Variants in ZMYM6 observed in about 807,000 individuals in gnomAD.
ZMYM6 encodes zinc finger MYM-type containing 6, also known as zinc finger MYM-type protein 6.
A neutral mutation model predicts 134.0 loss-of-function variants in ZMYM6; 90 were observed. The ratio of observed to expected loss-of-function variants is 0.67; its 90% CI spans 0.57 to 0.80. The LOEUF is 0.80. Among genes scored for constraint, ZMYM6 ranks in the 30% least tolerant of loss-of-function variants. ZMYM6 has a pLI of 0.00. For missense variants in ZMYM6, 1,362 were observed against 1,533.9 expected, an observed-to-expected ratio of 0.89 and a Z score of 1.87; for synonymous variants, 481 against 524.1, an observed-to-expected ratio of 0.92 and a Z score of 1.12.
chr1:34,994,887 G>A (rs914633537), intron 14 of ZMYM6, among the ~76,000 whole-genome samples: 1 of 148,598 alleles, frequency 6.7e-6, no homozygotes, highest in South Asian at 2.1e-4. Flanking sequence ...GGATCATACC[G>A]AAGCCTATAC....
chr1:34,988,735 C>T lies in ZMYM6; in HGVS notation c.2347G>A (p.Ala783Thr), dbSNP rs1640615537. Residue 783 changes from alanine to threonine, a missense_variant, in exon 16 of 16, where the codon GCA becomes ACA. Ala to Thr is a moderately conservative substitution (Grantham distance 58). This residue lies in a region of ZMYM6 where 824 missense variants were observed against 940.9 expected (regional missense o/e 0.88). Transcript: ENST00000357182. ...EILSSENMKP[A>T]NLSHHLKTKH... is the part of the protein sequence containing the mutation. ...GTCTTCAAATGATGAGAAAGATTTG[C>T]TGGCTTCATGTTTTCACTGGATAAG... is the stretch of plus-strand genomic sequence containing the variant. The T allele has an allele frequency of 3.2e-6, 5 of 1,551,362 alleles. No homozygotes were observed. The highest frequency in any genetic ancestry group is 4.4e-6 in the Non-Finnish European group (5 of 1,146,906).
At position 35,008,892 on chromosome 1, in the gene ZMYM6, C is replaced by G. The variant is rs201963462; in HGVS notation, c.1525G>C (p.Glu509Gln). ...CKFLSARDFG[E>Q]RWGNYCKMCS... ...ATCTTACAGTAGTTTCCCCATCGTTCTCCAAAGTCACGGGCAGAGAGGAAT... is the reference window on the plus strand; with the variant it reads ...ATCTTACAGTAGTTTCCCCATCGTTGTCCAAAGTCACGGGCAGAGAGGAAT... The change falls in exon 11 of 16, where the codon GAA (glutamate) becomes CAA (glutamine). Residue 509 changes from glutamate (E) to glutamine (Q), a missense_variant. Glu to Gln is a conservative substitution (Grantham distance 29). Around this residue, in one of 3 missense-constraint regions of ZMYM6, gnomAD observed 824 missense variants for 940.9 expected, o/e 0.88. Coordinates refer to ENST00000357182, the MANE Select transcript of ZMYM6 (RefSeq NM_007167.4). The G allele has an allele frequency of 1.4e-4, 220 of 1,613,140 alleles. No individual in the cohort carries two copies. Among genetic ancestry groups the G allele is most frequent in the Non-Finnish European group, 1.7e-4 (206 of 1,179,752 alleles).
chr1:35,019,229 A>G, intron 4 of ZMYM6, 124 bp downstream of exon 4: 1 of 1,385,650 alleles, frequency 7.2e-7, no homozygotes, highest in Non-Finnish European at 9.8e-7. Flanking sequence ...TTCTTCCATT[A>G]ACTAAAAAGT....
At chr1:34,990,926 G>A (rs1361704805) in intron 15 of ZMYM6, among the ~76,000 whole-genome samples, 1 of 152,152 alleles carries the variant, frequency 6.6e-6, no homozygotes, top group Non-Finnish European at 1.5e-5. Flanking sequence ...GCACAATGGC[G>A]CGATCTCAGC....
At chr1:35,015,812 C>A (rs1270309175) in intron 4 of ZMYM6, among the ~76,000 whole-genome samples, 14 of 149,388 alleles carry the variant, frequency 9.4e-5, no homozygotes, top group Admixed American at 7.3e-4. Context: ...CAGCCCCAAC[C>A]AAGTTTCATC....
Position 34,988,588 on chromosome 1 carries a change from A to C in ZMYM6, c.2494T>G (p.Ser832Ala), listed in dbSNP as rs1012851674. Residue 832 changes from serine (S) to alanine (A), a missense_variant, in exon 16 of 16, where the codon TCT becomes GCT. Ser to Ala is a moderately conservative substitution (Grantham distance 99). Transcript: ENST00000357182. ...GCAGTTTGGAAAGCAATTAAATAAG[A>C]AGCTTTCACAAGTGACTTTTCAACT... Reference protein sequence around the residue: ...LLVEKSLVKASYLIAFQTAAS... With the variant: ...LLVEKSLVKAAYLIAFQTAAS... The C allele has an allele frequency of 3.9e-6, 6 of 1,550,896 alleles. No homozygotes were observed. The highest frequency in any genetic ancestry group is 2.4e-5 in the South Asian group (2 of 83,832).
rs778603619 is a variant in ZMYM6 at position 35,008,810 on chromosome 1, T to C, written c.1607A>G (p.Lys536Arg). Reference sequence around the variant, plus strand: ...ATCTTCACAACAAAACTCTTCTAACTTGCCCTCCAATCGATTTTCTACCAA... The same window carrying C: ...ATCTTCACAACAAAACTCTTCTAACCTGCCCTCCAATCGATTTTCTACCAA... The part of the protein sequence containing the change: ...PNLVENRLEG[K>R]LEEFCCEDCM... The change falls in exon 11 of 16, where the codon AAG (lysine) becomes AGG (arginine). Residue 536 changes from lysine (K) to arginine (R), a missense_variant. By Grantham distance (26) the Lys-to-Arg change is conservative. Around this residue, in one of 3 missense-constraint regions of ZMYM6, gnomAD observed 824 missense variants for 940.9 expected, o/e 0.88. Coordinates refer to ENST00000357182, the MANE Select transcript of ZMYM6 (RefSeq NM_007167.4). 1 of 1,614,136 alleles carries C rather than the reference T, an allele frequency of 6.2e-7. No individual in the cohort carries two copies. The highest frequency in any genetic ancestry group is 8.5e-7 in the Non-Finnish European group (1 of 1,180,010).
chr1:35,012,103 T>C, intron 7 of ZMYM6, 98 bp from the exon 8 acceptor site: 2 of 758,164 alleles, frequency 2.6e-6, no homozygotes, highest in Non-Finnish European at 4.0e-6. Context: ...TAATCAATAA[T>C]ATACCAAAAA....
intron 15 of ZMYM6, among the ~76,000 whole-genome samples, chr1:34,991,791 CAAAA>C (rs796578117): frequency 3.4e-4 from 52 of 150,726 alleles, no homozygotes; most frequent in African/African-American, 1.2e-3. Context: ...AACAAACAAA[CAAAA>C]AAAAACCCAG....
chr1:35,025,888 G>A (rs745880426), intron 2 of ZMYM6, among the ~76,000 whole-genome samples: 14 of 152,126 alleles, frequency 9.2e-5, no homozygotes, highest in Non-Finnish European at 2.1e-4. Flanking sequence ...TTAACTGAGG[G>A]TTGTGAGCAT....
At chr1:35,000,885 T>C (rs1467471786) in intron 14 of ZMYM6, among the ~76,000 whole-genome samples, 2 of 152,052 alleles carry the variant, frequency 1.3e-5, no homozygotes, top group East Asian at 1.9e-4. Flanking sequence ...CTAACAATGG[T>C]TAATTCTGGA....
intron 14 of ZMYM6, among the ~76,000 whole-genome samples, chr1:34,997,396 C>T (rs568500191): frequency 1.6e-4 from 24 of 152,220 alleles, no homozygotes; most frequent in South Asian, 6.2e-4. Context: ...CTCCGCCTCC[C>T]GGGATCAAGC....
chr1:34,999,188 G>C (rs959800437), intron 14 of ZMYM6, among the ~76,000 whole-genome samples: 1 of 152,194 alleles, frequency 6.6e-6, no homozygotes, highest in Admixed American at 6.5e-5. Context: ...ATGATGTCCT[G>C]GAAGTTGAAT....
intron 14 of ZMYM6, among the ~76,000 whole-genome samples, chr1:34,999,154 T>C (rs1286306828): frequency 2.6e-5 from 4 of 152,168 alleles, no homozygotes; most frequent in Middle Eastern, 3.4e-3. Flanking sequence ...CTAAAAGTAA[T>C]GTAGACTGAG....
At chr1:35,013,470 A>C in intron 6 of ZMYM6, 1 of 984,636 alleles carries the variant, frequency 1.0e-6, no homozygotes, top group Non-Finnish European at 1.2e-6. Flanking sequence ...CAAAATTAGA[A>C]ATGGAACTGA....
intron 1 of ZMYM6, 35 bp from the exon 2 acceptor site, chr1:35,030,748 C>T: frequency 8.8e-7 from 1 of 1,141,838 alleles, no homozygotes; most frequent in Non-Finnish European, 1.3e-6. Flanking sequence ...CTTTTTTCTT[C>T]AGGCTTATCT....
chr1:35,011,987 T>C lies in ZMYM6; in HGVS notation c.965A>G (p.His322Arg), dbSNP rs551196615. 6 of 1,606,144 alleles carry C rather than the reference T, an allele frequency of 3.7e-6. No homozygotes were observed. The highest frequency in any genetic ancestry group is 1.7e-5 in the Admixed American group (1 of 59,710). ...VTSSGVQVSCHSCKTSAIPQY... is the reference protein window; with the variant it reads ...VTSSGVQVSCRSCKTSAIPQY... ...AGGGATTGCTGAGGTTTTACAACTATGACATGAAACCTGGACACCTTGGTG... is the reference window on the plus strand; with the variant it reads ...AGGGATTGCTGAGGTTTTACAACTACGACATGAAACCTGGACACCTTGGTG... Residue 322 changes from histidine to arginine, a missense_variant, in exon 8 of 16, where the codon CAT becomes CGT. Physicochemically the swap from His to Arg is conservative, Grantham distance 29. Transcript: ENST00000357182.
chr1:35,014,611 A>G, intron 6 of ZMYM6, 86 bp downstream of exon 6: 1 of 1,271,656 alleles, frequency 7.9e-7, no homozygotes, highest in Non-Finnish European at 1.1e-6. Context: ...TAATGGGAGG[A>G]GCTCACTCTC....
chr1:35,031,077 T>TA (rs1328435243), intron 1 of ZMYM6, among the ~76,000 whole-genome samples: 5 of 152,316 alleles, frequency 3.3e-5, no homozygotes, highest in East Asian at 1.9e-4. Flanking sequence ...AATCAGTACT[T>TA]AGAGGCCCAC....
Sources: allele counts gnomAD v4.1 joint callset (sites outside exome capture counted in the v4.1 genomes callset), GRCh38; gene constraint gnomAD v4.1.1; regional missense constraint gnomAD v4.1.1; transcripts MANE v1.5; gene names NCBI Gene and HGNC (gene_info 2026-07-23, HGNC 2026-07-21).